SSH2: variants seen among roughly 807,000 people sequenced by gnomAD.
SSH2 encodes protein phosphatase Slingshot homolog 2.
SSH2 carries 37 observed loss-of-function variants against 135.2 expected under a neutral mutation model. That is an observed-to-expected ratio of 0.27 (90% CI 0.21 to 0.36). SSH2 has a LOEUF of 0.36. Among genes scored for constraint, SSH2 ranks in the 10% least tolerant of loss-of-function variants. The pLI is 1.00. For missense variants in SSH2, 1,408 were observed against 1,765.3 expected (o/e 0.80, Z 3.63); for synonymous variants, 628 against 646.2 (o/e 0.97, Z 0.43).
intron 3 of SSH2, among the ~76,000 whole-genome samples, chr17:29,731,211 GCT>G (rs2040179560): frequency 6.6e-6 from 1 of 152,072 alleles, no homozygotes; most frequent in Non-Finnish European, 1.5e-5. Flanking sequence ...TGGAGTTCTT[GCT>G]CTGTCACTAA....
chr17:29,917,106 A>AG (rs1181815235), intron 1 of SSH2, among the ~76,000 whole-genome samples: 1 of 151,980 alleles, frequency 6.6e-6, no homozygotes, highest in East Asian at 1.9e-4. Context: ...AGAATAGGTG[A>AG]GGGGCAAATA....
At chr17:29,848,683 T>C (rs1231488642) in intron 2 of SSH2, among the ~76,000 whole-genome samples, 166 bp downstream of exon 2, 1 of 151,498 alleles carries the variant, frequency 6.6e-6, no homozygotes, top group Non-Finnish European at 1.5e-5. Flanking sequence ...ACTGTTTATA[T>C]ATACACTCAT....
At chr17:29,673,732 G>GCATAGATGTATAAT (rs2037591529) in intron 8 of SSH2, among the ~76,000 whole-genome samples, 1 of 151,892 alleles carries the variant, frequency 6.6e-6, no homozygotes, top group Non-Finnish European at 1.5e-5. Flanking sequence ...CAGTCTTTTT[G>GCATAGATGTATAAT]GCTATGCATA....
At chr17:29,646,958 G>A (rs2036393792) in intron 14 of SSH2, among the ~76,000 whole-genome samples, 1 of 151,878 alleles carries the variant, frequency 6.6e-6, no homozygotes, top group Non-Finnish European at 1.5e-5. Flanking sequence ...CAAATTAGCA[G>A]ATGGTACTTA....
chr17:29,786,569 T>C (rs535257577), intron 3 of SSH2, among the ~76,000 whole-genome samples: 1 of 152,246 alleles, frequency 6.6e-6, no homozygotes, highest in Non-Finnish European at 1.5e-5. Context: ...GCAACAATAG[T>C]CAATGATATA....
intron 1 of SSH2, among the ~76,000 whole-genome samples, chr17:29,866,980 T>C (rs1306370617): frequency 1.3e-5 from 2 of 151,794 alleles, no homozygotes; most frequent in Non-Finnish European, 2.9e-5. Flanking sequence ...CTACAGGCCA[T>C]GTGCCACCAC....
At chr17:29,712,659 C>T (rs920409777) in intron 3 of SSH2, among the ~76,000 whole-genome samples, 4 of 152,104 alleles carry the variant, frequency 2.6e-5, no homozygotes, top group African/African-American at 9.7e-5. Flanking sequence ...CAAAAATTAG[C>T]CGGGCATGGT....
intron 11 of SSH2, among the ~76,000 whole-genome samples, chr17:29,656,914 C>T (rs2036804985): frequency 6.6e-6 from 1 of 152,122 alleles, no homozygotes; most frequent in Non-Finnish European, 1.5e-5. Flanking sequence ...CCAAAATGTC[C>T]TTTATATTTA....
At chr17:29,760,804 C>T (rs1567955689) in intron 3 of SSH2, among the ~76,000 whole-genome samples, 1 of 152,110 alleles carries the variant, frequency 6.6e-6, no homozygotes, top group Non-Finnish European at 1.5e-5. Flanking sequence ...ATTCTGTCGA[C>T]TACCCTTCAC....
intron 3 of SSH2, among the ~76,000 whole-genome samples, chr17:29,788,067 T>A (rs2042000676): frequency 6.6e-6 from 1 of 152,194 alleles, no homozygotes; most frequent in Non-Finnish European, 1.5e-5. Context: ...TATTTGTTTA[T>A]CTTCTTTGGA....
At chr17:29,854,310 A>G (rs1437611677) in intron 1 of SSH2, among the ~76,000 whole-genome samples, 1 of 151,870 alleles carries the variant, frequency 6.6e-6, no homozygotes, top group Non-Finnish European at 1.5e-5. Flanking sequence ...ACACCAAACA[A>G]AAAGGGAAAG....
chr17:29,687,877 T>C (rs1387953865), intron 5 of SSH2, among the ~76,000 whole-genome samples: 1 of 152,186 alleles, frequency 6.6e-6, no homozygotes, highest in African/African-American at 2.4e-5. Flanking sequence ...TGGCAACTGA[T>C]TGGCTAAGTC....
At chr17:29,873,525 C>A (rs1055426216) in intron 1 of SSH2, among the ~76,000 whole-genome samples, 1 of 151,714 alleles carries the variant, frequency 6.6e-6, no homozygotes, top group Non-Finnish European at 1.5e-5. Flanking sequence ...CCCTGCTGCA[C>A]TCCAGCTTGG....
At chr17:29,763,368 C>T (rs542249881) in intron 3 of SSH2, among the ~76,000 whole-genome samples, 15 of 152,062 alleles carry the variant, frequency 9.9e-5, no homozygotes, top group African/African-American at 3.4e-4. Flanking sequence ...TGTCAGCAGC[C>T]ACCCAAATGG....
intron 15 of SSH2, among the ~76,000 whole-genome samples, chr17:29,633,624 C>T (rs990037677): frequency 3.3e-5 from 5 of 152,232 alleles, no homozygotes; most frequent in Non-Finnish European, 7.3e-5. Context: ...TTGGCTTACA[C>T]AGCCACATGC....
intron 2 of SSH2, among the ~76,000 whole-genome samples, chr17:29,813,004 A>C (rs150567519): frequency 6.6e-6 from 1 of 152,302 alleles, no homozygotes; most frequent in East Asian, 1.9e-4. Flanking sequence ...TTAAAGTCCA[A>C]CGAAAAGATT....
At chr17:29,844,901 T>C (rs577625198) in intron 2 of SSH2, among the ~76,000 whole-genome samples, 11 of 152,316 alleles carry the variant, frequency 7.2e-5, no homozygotes, top group African/African-American at 2.4e-4. Flanking sequence ...TTTCCACTTA[T>C]CCAGATTTCT....
chr17:29,909,046 C>T (rs2066715140), intron 1 of SSH2, among the ~76,000 whole-genome samples: 1 of 151,978 alleles, frequency 6.6e-6, no homozygotes, highest in African/African-American at 2.4e-5. Context: ...CACTGCACTC[C>T]AGCCTGGGTG....
Position 29,913,345 on chromosome 17 carries a change from A to T in SSH2, c.63+16593T>A, listed in dbSNP as rs868208325. On this transcript the variant is annotated intron_variant, in intron 1 of 15. Transcript: ENST00000540801. ...AAAAAAAAAAAAAAAAAAAAAAAAA[A>T]AAATATATATATATATATATATATA... 5.7e-3 allele frequency among the ~76,000 whole-genome samples: 212 copies of T among 37,472 alleles called. 4 individuals are homozygous for T. The highest frequency in any genetic ancestry group is 0.011 in the African/African-American group (140 of 12,936). 24.6% of individuals were successfully genotyped at this position (37,472 alleles called of 152,430 possible).
Sources: gnomAD v4.1 joint callset for allele counts (sites outside exome capture counted in the v4.1 genomes callset) on GRCh38, gnomAD v4.1.1 for gene constraint, MANE v1.5 for transcripts, NCBI Gene and HGNC (gene_info 2026-07-23, HGNC 2026-07-21) for gene names.